Variants in ERC1 observed in about 807,000 individuals in gnomAD.
ERC1 encodes the protein RAB6 interacting protein 2.
A neutral mutation model predicts 132.0 loss-of-function variants in ERC1; 56 were observed. The ratio of observed to expected loss-of-function variants is 0.42; its 90% CI spans 0.34 to 0.53. The LOEUF (loss-of-function observed/expected upper bound fraction) is 0.53, where lower values mean the gene tolerates loss of function less well. Among genes scored for constraint, ERC1 ranks in the 20% least tolerant of loss-of-function variants. ERC1 has a pLI of 0.03. For synonymous variants in ERC1, 478 were observed against 476.1 expected, an observed-to-expected ratio of 1.00 and a Z score of -0.05; for missense variants, 1,202 against 1,349.9, an observed-to-expected ratio of 0.89 and a Z score of 1.72.
chr12:1,262,573 A>G (rs1271580082), intron 13 of ERC1, among the ~76,000 whole-genome samples: 3 of 152,242 alleles, frequency 2.0e-5, no homozygotes, highest in South Asian at 4.1e-4. Flanking sequence ...ACAATTGTCT[A>G]TGAAGAATAT....
intron 15 of ERC1, among the ~76,000 whole-genome samples, chr12:1,341,742 A>G (rs1262334249): frequency 6.6e-6 from 1 of 152,160 alleles, no homozygotes; most frequent in Non-Finnish European, 1.5e-5. Flanking sequence ...GCAAACCAAC[A>G]TGGCACATGT....
chr12:1,226,261 T>C (rs2074565653), intron 12 of ERC1, among the ~76,000 whole-genome samples: 1 of 152,228 alleles, frequency 6.6e-6, no homozygotes, highest in Admixed American at 6.5e-5. Context: ...TGATTTTATC[T>C]TGAATAATTT....
At chr12:1,410,432 T>C in intron 17 of ERC1, 1 of 1,320,028 alleles carries the variant, frequency 7.6e-7, no homozygotes, top group Non-Finnish European at 1.0e-6. Flanking sequence ...AGAGGCTTAG[T>C]TCAGCCATTT....
At chr12:1,008,029 A>G (rs1172348984) in intron 1 of ERC1, among the ~76,000 whole-genome samples, 1 of 152,190 alleles carries the variant, frequency 6.6e-6, no homozygotes, top group Non-Finnish European at 1.5e-5. Context: ...GGAGAGTCAG[A>G]ATAACAGGTG....
chr12:1,282,456 A>C, intron 14 of ERC1, among the ~76,000 whole-genome samples: 1 of 152,208 alleles, frequency 6.6e-6, no homozygotes, highest in Admixed American at 6.5e-5. Context: ...TATTGCAATA[A>C]CTATAGTTAT....
rs910627809 is a variant in ERC1 at position 1,137,865 on chromosome 12, T to A, written c.1570-3755T>A. ...AAGACTGTCTCAAAAAAACAAAAAATATATATAATTTATAATATGTTACAT... is the reference window on the plus strand; with the variant it reads ...AAGACTGTCTCAAAAAAACAAAAAAAATATATAATTTATAATATGTTACAT... On this transcript the variant is annotated intron_variant, in intron 7 of 18. Coordinates refer to ENST00000360905, the MANE Select transcript of ERC1 (RefSeq NM_178040.4). Among the ~76,000 whole-genome samples the A allele has an allele frequency of 6.9e-5, 10 of 145,654 alleles. No homozygotes were observed. In the East Asian group the frequency reaches 7.9e-4, roughly 11 times the overall value.
rs200401526 is a variant in ERC1 at position 1,083,419 on chromosome 12, A to G, written c.925A>G (p.Ile309Val). 3.1e-6 allele frequency: 5 copies of G among 1,614,194 alleles called. No homozygotes were observed. In the East Asian group the frequency reaches 6.7e-5, roughly 22 times the overall value. The change falls in exon 3 of 19, where the codon ATT (isoleucine) becomes GTT (valine). Residue 309 changes from isoleucine (I) to valine (V), a missense_variant. Physicochemically the swap from Ile to Val is conservative, Grantham distance 29. Transcript: ENST00000360905. ...GACCCTAAATGCTCGGGATGAATCC[A>G]TTAAGAAGCTTCTGGAAATGTTGCA... ...KQTLNARDES[I>V]KKLLEMLQSK...
chr12:1,226,849 C>A (rs533988332), intron 12 of ERC1, among the ~76,000 whole-genome samples: 1 of 152,108 alleles, frequency 6.6e-6, no homozygotes, highest in South Asian at 2.1e-4. Flanking sequence ...GCTAATTTTT[C>A]TGTTTTTAGT....
chr12:1,270,623 TA>T (rs1386914135), intron 14 of ERC1, among the ~76,000 whole-genome samples: 1 of 151,832 alleles, frequency 6.6e-6, no homozygotes, highest in Admixed American at 6.6e-5. Context: ...ACATTTTAAT[TA>T]AAATGTATTC....
At chr12:990,703 G>C (rs935393829), upstream of ERC1, 22 of 152,222 alleles carry the variant, frequency 1.4e-4, no homozygotes, top group Non-Finnish European at 3.1e-4. Context: ...TTGGGACAAA[G>C]CGTCCCCCCA....
chr12:1,387,091 T>TATTTGGAATGAGAATGTCTATCATC (rs1555386015), intron 16 of ERC1: 7 of 152,224 alleles, frequency 4.6e-5, no homozygotes, highest in African/African-American at 1.4e-4. Flanking sequence ...ATGTCTATCA[T>TATTTGGAATGAGAATGTCTATCATC]ATACTGGTCC....
At chr12:1,221,206 T>C (rs1958952664) in intron 12 of ERC1, among the ~76,000 whole-genome samples, 1 of 152,186 alleles carries the variant, frequency 6.6e-6, no homozygotes, top group South Asian at 2.1e-4. Flanking sequence ...TAGAAGCTTT[T>C]ATTAAATATT....
intron 14 of ERC1, 115 bp downstream of exon 14, chr12:1,263,280 C>T: frequency 2.0e-6 from 2 of 981,772 alleles, no homozygotes; most frequent in Non-Finnish European, 2.9e-6. Context: ...TTCAAAAACA[C>T]TTCATAGAGG....
At chr12:1,379,632 A>C (rs144642331) in intron 16 of ERC1, among the ~76,000 whole-genome samples, 14 of 152,330 alleles carry the variant, frequency 9.2e-5, no homozygotes, top group Middle Eastern at 6.8e-3. Context: ...ATTGTCTCAC[A>C]CAGTGACTGA....
At chr12:1,061,979 T>G (rs1263851134) in intron 2 of ERC1, among the ~76,000 whole-genome samples, 7 of 149,526 alleles carry the variant, frequency 4.7e-5, no homozygotes, top group Non-Finnish European at 1.0e-4. Context: ...TTTTTTTTTC[T>G]TCTTTTCTTC....
intron 13 of ERC1, chr12:1,244,666 C>T (rs1477622364): frequency 6.7e-5 from 27 of 400,468 alleles, no homozygotes; most frequent in East Asian, 6.3e-4. Context: ...GGATTCCAGG[C>T]GTGTGCCACC....
rs1051914595 is a variant in ERC1, at chr12:1,162,492, T to G, written c.1738-18048T>G. ...ATCTCCAGTTTCCTAGGTTTGTTTT[T>G]TTTTTTTGTCCTAGTTGGTTCTTTA... On this transcript the variant is annotated intron_variant, in intron 8 of 18. Coordinates refer to ENST00000360905, the MANE Select transcript of ERC1 (RefSeq NM_178040.4). Among the ~76,000 whole-genome samples, 209 of 152,170 alleles carry G rather than the reference T, an allele frequency of 1.4e-3. 2 individuals are homozygous for G. The highest frequency in any genetic ancestry group is 2.2e-3 in the Non-Finnish European group (152 of 68,002).
intron 15 of ERC1, among the ~76,000 whole-genome samples, chr12:1,317,399 C>T (rs185524933): frequency 2.1e-4 from 32 of 151,908 alleles, no homozygotes; most frequent in African/African-American, 7.5e-4. Context: ...CACGGCCTGT[C>T]GGGGGATCAG....
intron 8 of ERC1, 97 bp from the exon 9 acceptor site, chr12:1,180,443 C>G: frequency 9.0e-7 from 1 of 1,111,592 alleles, no homozygotes; most frequent in South Asian, 1.5e-5. Flanking sequence ...CACAGACAAC[C>G]CTGAGCTATC....
Sources: allele counts gnomAD v4.1 joint callset (sites outside exome capture counted in the v4.1 genomes callset), GRCh38; gene constraint gnomAD v4.1.1; transcripts MANE v1.5; gene names NCBI Gene and HGNC (gene_info 2026-07-23, HGNC 2026-07-21).